The following OR2C1 variants were observed in gnomAD, a reference collection of about 807,000 sequenced individuals.
OR2C1 encodes olfactory receptor 2C1.
For synonymous variants in OR2C1, 209 were observed against 167.3 expected (o/e 1.25, Z -1.92); for missense variants, 468 against 388.3 (o/e 1.21, Z -1.73).
upstream of OR2C1, among the ~76,000 whole-genome samples, chr16:3,353,978 C>CT (rs1307481834): frequency 4.7e-3 from 573 of 121,296 alleles, 6 homozygotes; most frequent in African/African-American, 0.018. Context: ...TTTTTCTTTT[C>CT]TTTTCTTTTT....
At position 3,356,710 on chromosome 16, in the gene OR2C1, A is replaced by T. The variant is rs139257592; in HGVS notation, c.770A>T (p.Tyr257Phe). 11 of 1,614,026 alleles carry T rather than the reference A, an allele frequency of 6.8e-6. No individual in the cohort carries two copies. Among genetic ancestry groups the T allele is most frequent in the Non-Finnish European group, 9.3e-6 (11 of 1,180,038 alleles). Reference protein sequence around the residue: ...VVFLFYGSASYGYLLPAKNSK... With the variant: ...VVFLFYGSASFGYLLPAKNSK... ...TTCCTCTTCTATGGCTCAGCCAGCT[A>T]TGGGTATCTGCTTCCGGCCAAGAAC... The change falls in exon 1 of 1, where the codon TAT (tyrosine) becomes TTT (phenylalanine). Residue 257 changes from tyrosine (Y) to phenylalanine (F), a missense_variant. Physicochemically the swap from Tyr to Phe is conservative, Grantham distance 22. Coordinates refer to ENST00000304936, the MANE Select transcript of OR2C1 (RefSeq NM_012368.3).
the OR2C1 span, among the ~76,000 whole-genome samples, chr16:3,348,876 G>GT: frequency 1.3e-5 from 2 of 152,000 alleles, no homozygotes; most frequent in African/African-American, 4.8e-5. Context: ...TCCCTGATTT[G>GT]TGGTTTATGT....
At chr16:3,357,994 T>C (rs573730832), downstream of OR2C1, among the ~76,000 whole-genome samples, 1 of 151,988 alleles carries the variant, frequency 6.6e-6, no homozygotes, top group East Asian at 1.9e-4. Context: ...ATAATAATAA[T>C]AACAATAATA....
Position 3,356,540 on chromosome 16 carries a change from T to C in OR2C1, c.600T>C (p.Asn200=). The C allele has an allele frequency of 6.2e-7, 1 of 1,614,166 alleles. No homozygotes were observed. Among genetic ancestry groups the C allele is most frequent in the Non-Finnish European group, 8.5e-7 (1 of 1,180,036 alleles). ...GDTSLNQAVL[N]GVCTFFTAVP... ...CAAGTCTCAACCAGGCTGTGCTCAA[T>C]GGTGTCTGCACCTTCTTCACTGCAG... The change falls in exon 1 of 1, where the codon AAT becomes AAC. Residue 200 remains asparagine (N), a synonymous_variant. Transcript: ENST00000304936.
chr16:3,325,657 G>A, the OR2C1 span, among the ~76,000 whole-genome samples: 12 of 150,978 alleles, frequency 7.9e-5, no homozygotes, highest in African/African-American at 2.9e-4. Context: ...GCACAATAAG[G>A]TATGCCTGTA....
chr16:3,323,631 C>A, the OR2C1 span: 3 of 718,988 alleles, frequency 4.2e-6, no homozygotes, highest in East Asian at 2.5e-5. Context: ...AGTAGACTCA[C>A]GCCAACAATC....
chr16:3,323,782 C>T, the OR2C1 span: 1 of 738,608 alleles, frequency 1.4e-6, no homozygotes, highest in Non-Finnish European at 2.3e-6. Context: ...GTCCCTTAAA[C>T]CTGAGCCCTT....
At chr16:3,342,834 T>C in the OR2C1 span, among the ~76,000 whole-genome samples, 1 of 152,042 alleles carries the variant, frequency 6.6e-6, no homozygotes, top group Non-Finnish European at 1.5e-5. Flanking sequence ...CCGAGATCGC[T>C]GCACTCTAGA....
chr16:3,357,251 A>G lies in OR2C1; in HGVS notation c.*372A>G. The G allele has an allele frequency of 4.9e-6, 1 of 203,140 alleles. No individual in the cohort carries two copies. The highest frequency in any genetic ancestry group is 1.1e-5 in the Non-Finnish European group (1 of 90,492). The allele number at this position is 203,140 out of a possible 1,614,324, so 12.6% of individuals were successfully genotyped here. A position where few individuals can be genotyped will look rare whatever the true frequency, so the allele number is the denominator to read the frequency against. ...TAAGCAAAGCACCTCCACTTGCAGTATCTTACATAATGTTACTATAATTCC... is the reference window on the plus strand; with the variant it reads ...TAAGCAAAGCACCTCCACTTGCAGTGTCTTACATAATGTTACTATAATTCC... On this transcript the variant is annotated 3_prime_UTR_variant, in exon 1 of 1. Transcript: ENST00000304936.
the OR2C1 span, among the ~76,000 whole-genome samples, chr16:3,347,804 G>GCACACA: frequency 6.8e-6 from 1 of 146,970 alleles, no homozygotes; most frequent in African/African-American, 2.5e-5. Context: ...ATGCACACAC[G>GCACACA]CACGTGCACA....
chr16:3,356,570 A>T lies in OR2C1; in HGVS notation c.630A>T (p.Pro210=). ...NGVCTFFTAV[P]LSIIVISYCL... ...TCTGCACCTTCTTCACTGCAGTCCC[A>T]CTAAGCATCATCGTGATCTCCTACT... The change falls in exon 1 of 1, where the codon CCA becomes CCT. Residue 210 remains proline, a synonymous_variant. Transcript: ENST00000304936. 3 of 1,614,202 alleles carry T rather than the reference A, an allele frequency of 1.9e-6. No individual in the cohort carries two copies. The East Asian group carries it at 6.7e-5, about 36-fold the overall frequency.
At chr16:3,332,175 A>C in the OR2C1 span, among the ~76,000 whole-genome samples, 1 of 151,674 alleles carries the variant, frequency 6.6e-6, no homozygotes, top group Non-Finnish European at 1.5e-5. Flanking sequence ...ATGTATACAT[A>C]TGTAACTAAC....
At chr16:3,350,392 GT>G in the OR2C1 span, among the ~76,000 whole-genome samples, 1 of 148,152 alleles carries the variant, frequency 6.7e-6, no homozygotes, top group Non-Finnish European at 1.5e-5. Context: ...TGGTTGGTTG[GT>G]TTTTTTGTTT....
chr16:3,336,929 A>C, the OR2C1 span, among the ~76,000 whole-genome samples: 1 of 151,474 alleles, frequency 6.6e-6, no homozygotes, highest in South Asian at 2.1e-4. Context: ...GCTGGTCTCG[A>C]ACTCCCGACC....
chr16:3,351,353 T>A (rs1370087004), upstream of OR2C1, among the ~76,000 whole-genome samples: 1 of 151,074 alleles, frequency 6.6e-6, no homozygotes, highest in Non-Finnish European at 1.5e-5. Flanking sequence ...TCAGCCTCCC[T>A]ATTTTTTTTG....
chr16:3,346,438 T>C, the OR2C1 span, among the ~76,000 whole-genome samples: 13 of 152,230 alleles, frequency 8.5e-5, no homozygotes, highest in Admixed American at 5.9e-4. Context: ...GTCAGTCCAG[T>C]CTGCCATTAA....
At chr16:3,343,566 A>G in the OR2C1 span, among the ~76,000 whole-genome samples, 3 of 152,138 alleles carry the variant, frequency 2.0e-5, no homozygotes, top group Non-Finnish European at 4.4e-5. Context: ...AGCCTGGCCA[A>G]TGTGGTGAAT....
In OR2C1 at chr16:3,356,698, G is replaced by A. The variant is rs768895400; in HGVS notation, c.758G>A (p.Gly253Asp). Residue 253 changes from glycine (G) to aspartate (D), a missense_variant, in exon 1 of 1, where the codon GGC (glycine) becomes GAC (aspartate). Transcript: ENST00000304936. ...SHLLVVFLFY[G>D]SASYGYLLPA... ...CTGCTGGTGGTGTTCCTCTTCTATG[G>A]CTCAGCCAGCTATGGGTATCTGCTT... is the stretch of plus-strand genomic sequence containing the variant. 1 of 1,614,142 alleles carries A rather than the reference G, an allele frequency of 6.2e-7. No homozygotes were observed. Among genetic ancestry groups the A allele is most frequent in the African/African-American group, 1.3e-5 (1 of 75,032 alleles).
At chr16:3,323,259 C>G in the OR2C1 span, 2 of 799,222 alleles carry the variant, frequency 2.5e-6, no homozygotes, top group Non-Finnish European at 4.4e-6. Flanking sequence ...CTTGAGGAAG[C>G]CCACTGTATT....
Sources: allele counts gnomAD v4.1 joint callset (sites outside exome capture counted in the v4.1 genomes callset), GRCh38; gene constraint gnomAD v4.1.1; transcripts MANE v1.5; gene names NCBI Gene and HGNC (gene_info 2026-07-23, HGNC 2026-07-21).